Variants in BANP observed in about 807,000 individuals in gnomAD.
The protein encoded by BANP is protein BANP.
A neutral mutation model predicts 68.1 loss-of-function variants in BANP; 11 were observed. The ratio of observed to expected loss-of-function variants is 0.16; its 90% confidence interval spans 0.10 to 0.27. BANP has a LOEUF of 0.27. BANP is among the 10% of genes least tolerant of loss of function. BANP has a pLI of 1.00. For synonymous variants in BANP, 329 were observed against 303.2 expected, an observed-to-expected ratio of 1.09 and a Z score of -0.88; for missense variants, 504 against 722.7, an observed-to-expected ratio of 0.70 and a Z score of 3.47.
chr16:88,068,151 C>T (rs1390479677), intron 12 of BANP, among the ~76,000 whole-genome samples: 2 of 152,104 alleles, frequency 1.3e-5, no homozygotes, highest in African/African-American at 4.8e-5. Context: ...GTGCACTCGT[C>T]CCACCTGTGG....
Position 88,011,296 on chromosome 16 carries a change from C to A in BANP, c.655+5031C>A, listed in dbSNP as rs551261467. 4.6e-5 allele frequency among the ~76,000 whole-genome samples: 7 copies of A among 152,218 alleles called. No homozygotes were observed. The East Asian group carries it at 1.2e-3, about 25-fold the overall frequency. On this transcript the variant is annotated intron_variant, in intron 6 of 13. Coordinates refer to ENST00000682872, the MANE Select transcript of BANP (RefSeq NM_001386991.1). ...CCAGGCTCCTCCCCACCACCTCCCC[C>A]ACCCTGAAAGACGCCCTTTCCATCC...
intron 13 of BANP, among the ~76,000 whole-genome samples, chr16:88,073,936 A>C (rs963082900): frequency 3.3e-5 from 5 of 152,232 alleles, no homozygotes; most frequent in African/African-American, 1.2e-4. Flanking sequence ...GTAACAGCCA[A>C]GGAAGACGGC....
chr16:88,042,110 G>C (rs1424290028), intron 11 of BANP, among the ~76,000 whole-genome samples: 1 of 152,266 alleles, frequency 6.6e-6, no homozygotes, highest in Non-Finnish European at 1.5e-5. Flanking sequence ...CCTGTGCAAG[G>C]CCGGAGGCCA....
intron 1 of BANP, among the ~76,000 whole-genome samples, chr16:87,967,859 G>A (rs921768312): frequency 6.6e-6 from 1 of 152,120 alleles, no homozygotes; most frequent in Admixed American, 6.5e-5. Flanking sequence ...TCGACCTCAT[G>A]ATCTGCCCGC....
intron 8 of BANP, 23 bp from the exon 9 acceptor site, chr16:88,033,086 G>A (rs770679701): frequency 1.8e-5 from 28 of 1,582,820 alleles, no homozygotes; most frequent in African/African-American, 2.7e-5. Context: ...CGTTCACCCC[G>A]TTCACACCTG....
At chr16:87,969,394 A>C (rs1434384358) in intron 1 of BANP, among the ~76,000 whole-genome samples, 1 of 151,766 alleles carries the variant, frequency 6.6e-6, no homozygotes, top group Non-Finnish European at 1.5e-5. Context: ...ACCCATTTAC[A>C]CCCCCAGCAA....
intron 7 of BANP, among the ~76,000 whole-genome samples, chr16:88,027,188 G>A (rs1263725815): frequency 6.6e-6 from 1 of 152,266 alleles, no homozygotes; most frequent in Non-Finnish European, 1.5e-5. Context: ...AGCCCCAAGT[G>A]TGCACCTGGT....
chr16:88,057,783 G>A lies in BANP; in HGVS notation c.1312-7484G>A, dbSNP rs188288229. Among the ~76,000 whole-genome samples the A allele has an allele frequency of 1.2e-3, 179 of 151,162 alleles. No individual in the cohort carries two copies. The highest frequency in any genetic ancestry group is 0.01 in the Middle Eastern group (3 of 294). ...GGGGGGGGTGCGTGCAGTGACTCGC[G>A]CTGGCCCTGTCCCCGCACCCTGGAC... On this transcript the variant is annotated intron_variant, in intron 11 of 13. Transcript: ENST00000682872. This position sits in a 1 kb window ranked among gnomAD's most constrained non-coding sequence, Gnocchi z 4.6.
intron 4 of BANP, among the ~76,000 whole-genome samples, chr16:87,997,199 T>C (rs1261891119): frequency 6.6e-6 from 1 of 152,250 alleles, no homozygotes; most frequent in Admixed American, 6.5e-5. Context: ...GCTCAAGCCA[T>C]CTGCCTGCTT....
chr16:88,020,478 A>G (rs2075805398), intron 7 of BANP, among the ~76,000 whole-genome samples: 1 of 152,200 alleles, frequency 6.6e-6, no homozygotes, highest in Admixed American at 6.5e-5. Flanking sequence ...AGATATATAG[A>G]CGAATGAGAA....
At chr16:88,011,189 A>G (rs1017750805) in intron 6 of BANP, among the ~76,000 whole-genome samples, 1 of 152,292 alleles carries the variant, frequency 6.6e-6, no homozygotes, top group African/African-American at 2.4e-5. Context: ...GTTTCCGGAT[A>G]CACAGCCTGT....
At chr16:87,975,477 G>T (rs1025788981) in intron 2 of BANP, among the ~76,000 whole-genome samples, 1 of 152,176 alleles carries the variant, frequency 6.6e-6, no homozygotes, top group South Asian at 2.1e-4. Context: ...CCCCTGCCGC[G>T]TCCCTGTGTG....
rs953298565 is a variant in BANP, at chr16:88,004,773, C to T, written c.479+362C>T. Among the ~76,000 whole-genome samples the T allele has an allele frequency of 6.6e-6, 1 of 152,232 alleles. No individual in the cohort carries two copies. Among genetic ancestry groups the T allele is most frequent in the African/African-American group, 2.4e-5 (1 of 41,462 alleles). ...GTGCAGAGCGTGTCAGGCAAACAGA[C>T]GCCCTCTCCCACGGTTGCTAAGTGG... is the stretch of plus-strand genomic sequence containing the variant. On this transcript the variant is annotated intron_variant, in intron 5 of 13. Coordinates refer to ENST00000682872, the MANE Select transcript of BANP (RefSeq NM_001386991.1). The surrounding 1 kb of genome is among the most constrained non-coding windows in gnomAD (Gnocchi z 7.0).
intron 2 of BANP, among the ~76,000 whole-genome samples, chr16:87,979,533 C>T (rs2062856530): frequency 6.6e-6 from 1 of 151,978 alleles, no homozygotes; most frequent in South Asian, 2.1e-4. Flanking sequence ...GGAGGGTTGG[C>T]AGTATGGGAA....
Position 87,974,489 on chromosome 16 carries a change from G to C in BANP, c.-68-559G>C, listed in dbSNP as rs756965511. ...GAGAGCAGAAAGAAAGCAGAACAGA[G>C]GTGCTGCCACTCCGCCGGGCCTGTG... On this transcript the variant is annotated intron_variant, in intron 1 of 13. Coordinates refer to ENST00000682872, the MANE Select transcript of BANP (RefSeq NM_001386991.1). Among the ~76,000 whole-genome samples the C allele has an allele frequency of 3.0e-4, 45 of 152,222 alleles. 2 individuals are homozygous for C. Among genetic ancestry groups the C allele is most frequent in the Admixed American group, 2.0e-4 (3 of 15,288 alleles).
intron 6 of BANP, 86 bp downstream of exon 6, chr16:88,006,351 A>G: frequency 6.7e-7 from 1 of 1,486,196 alleles, no homozygotes; most frequent in Admixed American, 2.1e-5. Context: ...TGTTTTTTAA[A>G]GAAGTGATAC....
At chr16:87,955,540 C>G (rs4843746) in intron 1 of BANP, among the ~76,000 whole-genome samples, 52,587 of 152,090 alleles carry the variant, frequency 0.35, 10,379 homozygotes, top group Non-Finnish European at 0.47. Flanking sequence ...CTTATTCGAA[C>G]TTCGGTTTTG....
intron 1 of BANP, among the ~76,000 whole-genome samples, chr16:87,968,074 T>C (rs559455460): frequency 6.6e-4 from 91 of 137,880 alleles, no homozygotes; most frequent in African/African-American, 2.5e-3. Context: ...CTACAGGTTT[T>C]TTTGCCTTTT....
chr16:87,977,747 C>T (rs888936249), intron 2 of BANP, among the ~76,000 whole-genome samples: 6 of 152,324 alleles, frequency 3.9e-5, no homozygotes, highest in South Asian at 2.1e-4. Flanking sequence ...TCTGACTTGG[C>T]GTGTACCAAC....
Sources: gnomAD v4.1 joint callset for allele counts (sites outside exome capture counted in the v4.1 genomes callset) on GRCh38, gnomAD v4.1.1 for gene constraint, Gnocchi (gnomAD v3.1) non-coding constraint, MANE v1.5 for transcripts, NCBI Gene and HGNC (gene_info 2026-07-23, HGNC 2026-07-21) for gene names.